Variants in SV2B observed in about 807,000 individuals in gnomAD.
SV2B encodes the protein synaptic vesicle glycoprotein 2B.
In SV2B, 41 loss-of-function variants were observed where a neutral mutation model predicts 73.9. The ratio of observed to expected loss-of-function variants is 0.56; its 90% CI spans 0.43 to 0.72. The LOEUF (loss-of-function observed/expected upper bound fraction) is 0.72, where lower values mean the gene tolerates loss of function less well. SV2B is among the 30% of genes least tolerant of loss of function. SV2B has a pLI of 0.00. For synonymous variants in SV2B, 314 were observed against 314.2 expected (o/e 1.00, Z 0.01); for missense variants, 764 against 857.8 (o/e 0.89, Z 1.37).
chr15:91,262,733 C>A (rs967139535), intron 6 of SV2B, among the ~76,000 whole-genome samples: 1 of 152,124 alleles, frequency 6.6e-6, no homozygotes, highest in South Asian at 2.1e-4. Context: ...TTAAGAAGCA[C>A]GATGAACAGA....
At position 91,258,877 on chromosome 15, in the gene SV2B, T is replaced by A. The variant is rs2047802542; in HGVS notation, c.918+323T>A. Among the ~76,000 whole-genome samples the A allele has an allele frequency of 1.3e-5, 2 of 150,566 alleles. No homozygotes were observed. The highest frequency in any genetic ancestry group is 2.5e-5 in the African/African-American group (1 of 40,758). On this transcript the variant is annotated intron_variant, in intron 5 of 12. Coordinates refer to ENST00000394232, the MANE Select transcript of SV2B (RefSeq NM_001323032.3). This position sits in a 1 kb window ranked among gnomAD's most constrained non-coding sequence, Gnocchi z 4.7. ...CACCCACTGTCCCCCGAGGTCCTGA[T>A]TAGGAAGTTTTTTAGCCTGGGCTAC...
chr15:91,253,430 C>T lies in SV2B; in HGVS notation c.784+910C>T, dbSNP rs944031242. On this transcript the variant is annotated intron_variant, in intron 4 of 12. Coordinates refer to ENST00000394232, the MANE Select transcript of SV2B (RefSeq NM_001323032.3). This position sits in a 1 kb window ranked among gnomAD's most constrained non-coding sequence, Gnocchi z 5.0. ...GTGCTTTCTCAGCTAATGGAGGCTG[C>T]ATGTATATGTTTTTAAGAACAAGCT... Among the ~76,000 whole-genome samples the T allele has an allele frequency of 6.6e-6, 1 of 152,172 alleles. No individual in the cohort carries two copies. The highest frequency in any genetic ancestry group is 6.5e-5 in the Admixed American group (1 of 15,280).
At chr15:91,120,272 T>A (rs1596436613) in intron 1 of SV2B, among the ~76,000 whole-genome samples, 3 of 152,266 alleles carry the variant, frequency 2.0e-5, no homozygotes, top group Admixed American at 2.0e-4. Context: ...AGCAAGCACC[T>A]TCTTCCCATG....
intron 1 of SV2B, among the ~76,000 whole-genome samples, chr15:91,205,694 T>C (rs1444153002): frequency 6.6e-6 from 1 of 152,208 alleles, no homozygotes; most frequent in Non-Finnish European, 1.5e-5. Context: ...ATACAAAGTC[T>C]AATGTAGATG....
intron 1 of SV2B, among the ~76,000 whole-genome samples, chr15:91,144,687 G>C (rs1026924317): frequency 2.0e-5 from 3 of 152,204 alleles, no homozygotes; most frequent in Non-Finnish European, 4.4e-5. Context: ...CAGCGGGACA[G>C]CTCTCAGAAG....
At chr15:91,264,721 A>G (rs972524858) in intron 6 of SV2B, among the ~76,000 whole-genome samples, 16 of 152,196 alleles carry the variant, frequency 1.1e-4, no homozygotes, top group African/African-American at 3.6e-4. Context: ...TAAAAATGCC[A>G]ATTTTCAGAC....
chr15:91,240,125 T>C lies in SV2B; in HGVS notation c.452-11694T>C, dbSNP rs2141556408. Among the ~76,000 whole-genome samples the C allele has an allele frequency of 1.3e-5, 2 of 152,310 alleles. No homozygotes were observed. The highest frequency in any genetic ancestry group is 4.8e-5 in the African/African-American group (2 of 41,576). On this transcript the variant is annotated intron_variant, in intron 2 of 12. Coordinates refer to ENST00000394232, the MANE Select transcript of SV2B (RefSeq NM_001323032.3). The surrounding 1 kb of genome is among the most constrained non-coding windows in gnomAD (Gnocchi z 4.6). ...CAAGGAAGAAGAGGGAAAAGGGCTG[T>C]TGGGAACATGACCAACAGAGTCTAT...
Position 91,225,928 on chromosome 15 carries a change from G to A in SV2B, c.-336G>A. 1 of 334,636 alleles carries A rather than the reference G, an allele frequency of 3.0e-6. No individual in the cohort carries two copies. 20.7% of individuals were successfully genotyped at this position (334,636 alleles called of 1,614,324 possible). A position where few individuals can be genotyped will look rare whatever the true frequency, so the allele number is the denominator to read the frequency against. ...GCCAGCACGCAGTCTGCCAAGTCCT[G>A]CTCGCTCCCTGTCAAGAAAAACAGC... On this transcript the variant is annotated 5_prime_UTR_variant, in exon 2 of 13. Coordinates refer to ENST00000394232, the MANE Select transcript of SV2B (RefSeq NM_001323032.3).
chr15:91,139,766 C>T lies in SV2B; in HGVS notation c.-392+39403C>T, dbSNP rs1290440293. Among the ~76,000 whole-genome samples the T allele has an allele frequency of 6.6e-6, 1 of 152,174 alleles. No homozygotes were observed. The highest frequency in any genetic ancestry group is 2.4e-5 in the African/African-American group (1 of 41,434). On this transcript the variant is annotated intron_variant, in intron 1 of 12. Coordinates refer to ENST00000394232, the MANE Select transcript of SV2B (RefSeq NM_001323032.3). This position sits in a 1 kb window ranked among gnomAD's most constrained non-coding sequence, Gnocchi z 5.2. ...AACAATTATCATCTAAACTGAGACA[C>T]TTTTGAGGATGCAAGGAGGTACTCA... is the stretch of plus-strand genomic sequence containing the variant.
At position 91,100,847 on chromosome 15, in the gene SV2B, C is replaced by T. The variant is rs531759165; in HGVS notation, c.-392+484C>T. ...GTGTATTTCTGTATGTGCAGGGCGC[C>T]CTCCGTGGGCGTGGGAGCCGTTTCT... On this transcript the variant is annotated intron_variant, in intron 1 of 12. Transcript: ENST00000394232. This position sits in a 1 kb window ranked among gnomAD's most constrained non-coding sequence, Gnocchi z 6.4. Among the ~76,000 whole-genome samples, 2 of 152,158 alleles carry T rather than the reference C, an allele frequency of 1.3e-5. No individual in the cohort carries two copies. Among genetic ancestry groups the T allele is most frequent in the Non-Finnish European group, 2.9e-5 (2 of 68,036 alleles).
intron 11 of SV2B, among the ~76,000 whole-genome samples, chr15:91,287,906 G>A (rs2141793128): frequency 6.6e-6 from 1 of 152,304 alleles, no homozygotes; most frequent in African/African-American, 2.4e-5. Flanking sequence ...AGAGCTCCAT[G>A]GGGGCTGGAG....
intron 1 of SV2B, among the ~76,000 whole-genome samples, chr15:91,207,260 C>T (rs190027868): frequency 2.6e-4 from 39 of 149,692 alleles, no homozygotes; most frequent in African/African-American, 8.9e-4. Context: ...TGAGTTCAAG[C>T]GATCCTCTTA....
At chr15:91,184,682 C>T (rs912866598) in intron 1 of SV2B, among the ~76,000 whole-genome samples, 1 of 152,152 alleles carries the variant, frequency 6.6e-6, no homozygotes, top group Non-Finnish European at 1.5e-5. Context: ...CATGACTTCT[C>T]TGTTGCTTCA....
rs959000410 is a variant in SV2B, at chr15:91,110,998, G to A, written c.-392+10635G>A. 1.3e-5 allele frequency among the ~76,000 whole-genome samples: 2 copies of A among 152,182 alleles called. No homozygotes were observed. The highest frequency in any genetic ancestry group is 4.8e-5 in the African/African-American group (2 of 41,436). ...ATGAGAAAGGGTATATGAAAACACG[G>A]TGGGGTGCTGAGCCAGCTTCTCCTA... On this transcript the variant is annotated intron_variant, in intron 1 of 12. Transcript: ENST00000394232. The surrounding 1 kb of genome is among the most constrained non-coding windows in gnomAD (Gnocchi z 5.4).
chr15:91,227,177 T>C lies in SV2B; in HGVS notation c.451+463T>C, dbSNP rs1236899133. ...AGTCCGATGGTGTCTGTTCCTGGTT[T>C]CTCATGTACATAAATGTTAGTAGGC... On this transcript the variant is annotated intron_variant, in intron 2 of 12. Transcript: ENST00000394232. This position sits in a 1 kb window ranked among gnomAD's most constrained non-coding sequence, Gnocchi z 4.5. Among the ~76,000 whole-genome samples, 2 of 152,168 alleles carry C rather than the reference T, an allele frequency of 1.3e-5. 1 individual carries two copies.
At chr15:91,113,338 A>G (rs1167127372) in intron 1 of SV2B, among the ~76,000 whole-genome samples, 2 of 152,212 alleles carry the variant, frequency 1.3e-5, no homozygotes, top group Admixed American at 1.3e-4. Flanking sequence ...GCATGAGGCT[A>G]TCTCAAGTGC....
chr15:91,203,604 G>A (rs1021836752), intron 1 of SV2B, among the ~76,000 whole-genome samples: 2 of 152,204 alleles, frequency 1.3e-5, no homozygotes, highest in African/African-American at 4.8e-5. Flanking sequence ...TTTAGCTTGG[G>A]TTTCATCTGC....
intron 1 of SV2B, among the ~76,000 whole-genome samples, chr15:91,179,374 T>A (rs147201008): frequency 0.03 from 4,525 of 152,264 alleles, 84 homozygotes; most frequent in Non-Finnish European, 0.033. Context: ...ATTTTGTTGA[T>A]TTGGGGTGGA....
chr15:91,197,216 T>TTCTTGTTTTGTTTTG lies in SV2B; in HGVS notation c.-391-28656_-391-28655insCTTGTTTTGTTTTGT, dbSNP rs1725341543. 1.4e-5 allele frequency among the ~76,000 whole-genome samples: 2 copies of TTCTTGTTTTGTTTTG among 144,900 alleles called. No homozygotes were observed. The highest frequency in any genetic ancestry group is 3.9e-4 in the East Asian group (2 of 5,194). ...TGTTTTGTTTTTGTGTTTTTTTTGT[T>TTCTTGTTTTGTTTTG]TTTTGTTTTGTTTTGTTTTGTTTTG... On this transcript the variant is annotated intron_variant, in intron 1 of 12. Transcript: ENST00000394232. The surrounding 1 kb of genome is among the most constrained non-coding windows in gnomAD (Gnocchi z 4.9).
Sources: gnomAD v4.1 joint callset for allele counts (sites outside exome capture counted in the v4.1 genomes callset) on GRCh38, gnomAD v4.1.1 for gene constraint, Gnocchi (gnomAD v3.1) non-coding constraint, MANE v1.5 for transcripts, NCBI Gene and HGNC (gene_info 2026-07-23, HGNC 2026-07-21) for gene names.